The following RABGAP1L variants were observed in gnomAD, a reference collection of about 807,000 sequenced individuals.
RABGAP1L encodes RAB GTPase activating protein 1 like.
A neutral mutation model predicts 137.7 loss-of-function variants in RABGAP1L; 63 were observed. The observed-to-expected ratio is 0.46, with a 90% CI of 0.37 to 0.56. RABGAP1L has a LOEUF of 0.56. RABGAP1L is among the 20% of genes least tolerant of loss of function. The pLI, the probability that RABGAP1L is intolerant of heterozygous loss-of-function variation, is 0.00. For missense variants in RABGAP1L, 1,095 were observed against 1,244.0 expected (o/e 0.88, Z 1.80); for synonymous variants, 431 against 433.7 (o/e 0.99, Z 0.08).
At chr1:174,477,247 A>G (rs145205599) in intron 13 of RABGAP1L, among the ~76,000 whole-genome samples, 4 of 152,336 alleles carry the variant, frequency 2.6e-5, no homozygotes, top group Non-Finnish European at 4.4e-5. Flanking sequence ...CCAGACAACT[A>G]AAGTATGTGA....
chr1:174,460,303 A>T (rs1264351081), intron 13 of RABGAP1L, among the ~76,000 whole-genome samples: 2 of 152,048 alleles, frequency 1.3e-5, no homozygotes, highest in African/African-American at 4.8e-5. Context: ...TCATAAAGGA[A>T]ATTTAGGAAA....
At position 174,827,679 on chromosome 1, in the gene RABGAP1L, T is replaced by TG. The variant is rs1163269852; in HGVS notation, c.2340+15719_2340+15720insG. On this transcript the variant is annotated intron_variant, in intron 19 of 25. Coordinates refer to ENST00000681986, the MANE Select transcript of RABGAP1L (RefSeq NM_001366446.1). ...CTCTCAGATGATCTAAAAGATCCTA[T>TG]TTTTTTTTACAGCTCCACCCTCCAC... Among the ~76,000 whole-genome samples, 4 of 9,706 alleles carry TG rather than the reference T, an allele frequency of 4.1e-4. No homozygotes were observed. The East Asian group carries it at 0.5, about 1,213-fold the overall frequency. The allele number at this position is 9,706 out of a possible 152,430, so 6.4% of individuals were successfully genotyped here. A position where few individuals can be genotyped will look rare whatever the true frequency, so the allele number is the denominator to read the frequency against.
chr1:174,640,851 T>A (rs970297772), intron 14 of RABGAP1L, among the ~76,000 whole-genome samples: 1 of 151,274 alleles, frequency 6.6e-6, no homozygotes, highest in African/African-American at 2.4e-5. Context: ...AGGAAATGCA[T>A]CTAATGATTA....
rs554387893 is a variant in RABGAP1L, at chr1:174,172,876, T to C, written c.-34+13219T>C. On this transcript the variant is annotated intron_variant, in intron 1 of 25. Coordinates refer to ENST00000681986, the MANE Select transcript of RABGAP1L (RefSeq NM_001366446.1). Reference sequence around the variant, plus strand: ...TGATGTAGTCCTACTTATTTATTTTTGCTTTTGTTGTTTGAGCTTTTGGTG... The same window carrying C: ...TGATGTAGTCCTACTTATTTATTTTCGCTTTTGTTGTTTGAGCTTTTGGTG... Among the ~76,000 whole-genome samples, 26 of 152,298 alleles carry C rather than the reference T, an allele frequency of 1.7e-4. No homozygotes were observed. The South Asian group carries it at 5.4e-3, about 32-fold the overall frequency.
intron 14 of RABGAP1L, among the ~76,000 whole-genome samples, chr1:174,677,631 G>A (rs945958579): frequency 6.6e-6 from 1 of 152,126 alleles, no homozygotes; most frequent in Non-Finnish European, 1.5e-5. Context: ...AGTTGGAATT[G>A]CCTAGATCTT....
intron 11 of RABGAP1L, among the ~76,000 whole-genome samples, chr1:174,315,991 C>T (rs991198854): frequency 6.6e-6 from 1 of 152,076 alleles, no homozygotes; most frequent in Admixed American, 6.5e-5. Context: ...CTCACTAATT[C>T]TTTCTTCTGC....
intron 13 of RABGAP1L, among the ~76,000 whole-genome samples, chr1:174,562,184 G>T (rs1400867608): frequency 6.6e-6 from 1 of 152,122 alleles, no homozygotes; most frequent in Admixed American, 6.5e-5. Context: ...ATCAAAAAGT[G>T]GGCAAAGCAT....
At chr1:174,469,507 A>C (rs1657664594) in intron 13 of RABGAP1L, among the ~76,000 whole-genome samples, 1 of 152,200 alleles carries the variant, frequency 6.6e-6, no homozygotes, top group Non-Finnish European at 1.5e-5. Context: ...CTACAATGTG[A>C]GTCTCTGAAT....
In RABGAP1L at chr1:174,435,754, A is replaced by G. The variant is rs1653196734; in HGVS notation, c.1710+41609A>G. Among the ~76,000 whole-genome samples the G allele has an allele frequency of 2.6e-5, 4 of 151,530 alleles. No homozygotes were observed. In the South Asian group the frequency reaches 6.2e-4, roughly 24 times the overall value. The stretch of plus-strand genomic sequence containing the variant: ...TGTGCCATGTTGGTGTGCTGCACCC[A>G]TTAACTCGTCATTTAGCATTAGGTA... On this transcript the variant is annotated intron_variant, in intron 13 of 25. Coordinates refer to ENST00000681986, the MANE Select transcript of RABGAP1L (RefSeq NM_001366446.1).
intron 14 of RABGAP1L, among the ~76,000 whole-genome samples, chr1:174,659,144 G>A (rs943125220): frequency 1.3e-5 from 2 of 151,024 alleles, no homozygotes; most frequent in African/African-American, 4.9e-5. Flanking sequence ...GCACATCCCT[G>A]TGTGCTAGGC....
intron 19 of RABGAP1L, among the ~76,000 whole-genome samples, chr1:174,871,996 T>TA (rs936831456): frequency 6.6e-6 from 1 of 152,232 alleles, no homozygotes; most frequent in Admixed American, 6.5e-5. Context: ...GCTGAATTGT[T>TA]AAAGAGTTGC....
chr1:174,697,482 A>G (rs1679349658), intron 15 of RABGAP1L, among the ~76,000 whole-genome samples: 1 of 152,018 alleles, frequency 6.6e-6, no homozygotes, highest in African/African-American at 2.4e-5. Flanking sequence ...CAACATGCCC[A>G]GCTATTTTGT....
At chr1:174,735,819 A>T (rs1330524544) in intron 17 of RABGAP1L, among the ~76,000 whole-genome samples, 2 of 152,004 alleles carry the variant, frequency 1.3e-5, no homozygotes, top group African/African-American at 2.4e-5. Flanking sequence ...GGGAGATACC[A>T]CACTCTTTTA....
At chr1:174,556,100 C>T (rs1441005141) in intron 13 of RABGAP1L, among the ~76,000 whole-genome samples, 4 of 149,786 alleles carry the variant, frequency 2.7e-5, no homozygotes, top group South Asian at 4.2e-4. Context: ...TAGGTTCAAG[C>T]GATTCTCCTG....
intron 13 of RABGAP1L, among the ~76,000 whole-genome samples, chr1:174,550,342 T>C (rs148044255): frequency 2.0e-5 from 3 of 152,314 alleles, no homozygotes; most frequent in South Asian, 2.1e-4. Context: ...GAAATCACTT[T>C]TGATCAGTAC....
chr1:174,803,327 G>T (rs182773979), intron 18 of RABGAP1L, among the ~76,000 whole-genome samples: 49 of 152,280 alleles, frequency 3.2e-4, no homozygotes, highest in African/African-American at 1.1e-3. Context: ...AATAAATCAG[G>T]TGCAAGCATG....
intron 13 of RABGAP1L, among the ~76,000 whole-genome samples, chr1:174,496,575 G>T (rs867774369): frequency 3.0e-4 from 45 of 152,278 alleles, no homozygotes; most frequent in African/African-American, 1.0e-3. Context: ...TTGCCAAGAA[G>T]ACCAGCCAAA....
intron 11 of RABGAP1L, among the ~76,000 whole-genome samples, chr1:174,326,320 T>C (rs778371789): frequency 1.4e-4 from 22 of 152,012 alleles, no homozygotes; most frequent in Non-Finnish European, 2.8e-4. Flanking sequence ...ACAGAAACAA[T>C]TCAGAAATTT....
chr1:174,536,624 A>G (rs563188331), intron 13 of RABGAP1L, among the ~76,000 whole-genome samples: 1 of 152,194 alleles, frequency 6.6e-6, no homozygotes, highest in Non-Finnish European at 1.5e-5. Context: ...AACTGCTTTT[A>G]GATAATAGCC....
Sources: gnomAD v4.1 joint callset for allele counts (sites outside exome capture counted in the v4.1 genomes callset) on GRCh38, gnomAD v4.1.1 for gene constraint, MANE v1.5 for transcripts, NCBI Gene and HGNC (gene_info 2026-07-23, HGNC 2026-07-21) for gene names.